The following STN1 variants were observed in gnomAD, a reference collection of about 807,000 sequenced individuals.
STN1 encodes STN1 subunit of CST complex, also known as CST complex subunit STN1.
A neutral mutation model predicts 45.5 loss-of-function variants in STN1; 29 were observed. The observed-to-expected ratio is 0.64, with a 90% confidence interval of 0.47 to 0.87. STN1 has a LOEUF of 0.87. Ranked by LOEUF, STN1 falls within the 40% of genes least tolerant of loss-of-function variation. The pLI is 0.00. For missense variants in STN1, 376 were observed against 441.4 expected, an observed-to-expected ratio of 0.85 and a Z score of 1.33; for synonymous variants, 148 against 159.0, an observed-to-expected ratio of 0.93 and a Z score of 0.52.
rs1403198466 is a variant in STN1 at position 103,878,762 on chromosome 10, A to G, written c.*3922T>C. 6.6e-6 allele frequency: 1 copy of G among 152,232 alleles called. No individual in the cohort carries two copies. Among genetic ancestry groups the G allele is most frequent in the African/African-American group, 2.4e-5 (1 of 41,442 alleles). The allele number at this position is 152,232 out of a possible 1,614,324, so 9.4% of individuals were successfully genotyped here. On this transcript the variant is annotated 3_prime_UTR_variant, in exon 10 of 10. Coordinates refer to ENST00000224950, the MANE Select transcript of STN1 (RefSeq NM_024928.5). The stretch of plus-strand genomic sequence containing the variant: ...TAATTATTCATCCAGCATTTCCCAA[A>G]TATATTTGTGAACATAGTGTTAGTT...
rs1843063388 is a variant in STN1 at position 103,880,776 on chromosome 10, CA to C, written c.*1907del. ...GTCTGGGACTGAGTCCTCAGGGAGGCAGAGCACTGAACAAAGGAACCTGAGA... is the reference window on the plus strand; with the variant it reads ...GTCTGGGACTGAGTCCTCAGGGAGGCGAGCACTGAACAAAGGAACCTGAGA... On this transcript the variant is annotated 3_prime_UTR_variant, in exon 10 of 10. Transcript: ENST00000224950. Among the ~76,000 whole-genome samples the C allele has an allele frequency of 6.6e-6, 1 of 152,136 alleles. No individual in the cohort carries two copies. The highest frequency in any genetic ancestry group is 1.5e-5 in the Non-Finnish European group (1 of 68,024).
chr10:103,889,025 T>C (rs769238810), intron 9 of STN1, 47 bp downstream of exon 9: 1 of 1,322,122 alleles, frequency 7.6e-7, no homozygotes, highest in South Asian at 1.2e-5. Context: ...GGAGACAGTA[T>C]CCCCTTCCAG....
chr10:103,898,966 A>T lies in STN1; in HGVS notation c.492T>A (p.Ile164=). The T allele has an allele frequency of 1.9e-6, 3 of 1,614,176 alleles. No homozygotes were observed. Among genetic ancestry groups the T allele is most frequent in the Non-Finnish European group, 2.5e-6 (3 of 1,180,016 alleles). The change falls in exon 6 of 10, where the codon ATT becomes ATA. Residue 164 remains isoleucine, a synonymous_variant. Coordinates refer to ENST00000224950, the MANE Select transcript of STN1 (RefSeq NM_024928.5). ...KVDDPVWNIQ[I]ARMLELPTIY... ...TAGTGGGCAGCTCAAGCATCCTTGC[A>T]ATTTGAATGTTCCACACTGGGTCGT...
At chr10:103,916,225 A>C (rs1843330634) in intron 2 of STN1, among the ~76,000 whole-genome samples, 1 of 152,244 alleles carries the variant, frequency 6.6e-6, no homozygotes, top group East Asian at 1.9e-4. Flanking sequence ...AACACATCAT[A>C]AAGTCTTTTG....
chr10:103,910,499 A>G, intron 3 of STN1, 28 bp downstream of exon 3: 1 of 1,477,646 alleles, frequency 6.8e-7, no homozygotes, highest in Non-Finnish European at 9.4e-7. Context: ...TTCTACATCA[A>G]CTTCATTTCA....
At chr10:103,915,182 G>C (rs1174856528) in intron 2 of STN1, among the ~76,000 whole-genome samples, 1 of 152,174 alleles carries the variant, frequency 6.6e-6, no homozygotes, top group Non-Finnish European at 1.5e-5. Flanking sequence ...TTATCAACTA[G>C]GGAAGCTCAT....
intron 4 of STN1, among the ~76,000 whole-genome samples, chr10:103,901,812 A>G (rs758333204): frequency 6.6e-6 from 1 of 152,226 alleles, no homozygotes; most frequent in Non-Finnish European, 1.5e-5. Flanking sequence ...TTTACAGTTC[A>G]TTACATATTG....
chr10:103,885,112 G>C (rs1408924119), intron 9 of STN1, among the ~76,000 whole-genome samples: 1 of 152,246 alleles, frequency 6.6e-6, no homozygotes, highest in Middle Eastern at 3.4e-3. Flanking sequence ...TCCTTCTCAG[G>C]GTGGCTGTGT....
intron 5 of STN1, 171 bp downstream of exon 5, chr10:103,899,891 G>C (rs1295768491): frequency 1.1e-5 from 6 of 554,792 alleles, no homozygotes; most frequent in Non-Finnish European, 1.9e-5. Flanking sequence ...CAAAATAAAA[G>C]TAAGAAATGC....
intron 8 of STN1, among the ~76,000 whole-genome samples, chr10:103,890,489 A>G (rs913994629): frequency 2.0e-5 from 3 of 152,224 alleles, no homozygotes; most frequent in African/African-American, 7.2e-5. Context: ...GGAAGTACCC[A>G]GCCCCACCAC....
At chr10:103,893,230 G>A (rs1041595137) in intron 7 of STN1, among the ~76,000 whole-genome samples, 14 of 151,662 alleles carry the variant, frequency 9.2e-5, no homozygotes, top group African/African-American at 2.2e-4. Flanking sequence ...GTGCAGTGGC[G>A]CGATCTCAGC....
intron 3 of STN1, among the ~76,000 whole-genome samples, chr10:103,906,037 C>T (rs915373364): frequency 6.6e-6 from 1 of 152,150 alleles, no homozygotes; most frequent in Non-Finnish European, 1.5e-5. Flanking sequence ...GTTGTAAAAG[C>T]ACACACAATC....
In STN1 at chr10:103,907,077, T is replaced by C. The variant is rs370285726; in HGVS notation, c.230-1921A>G. On this transcript the variant is annotated intron_variant, in intron 3 of 9. Transcript: ENST00000224950. ...CAGTGTGCTATGATTGTGCCTGTGATAGCCACTGCACTCCAGCCTGGGCAA... is the reference window on the plus strand; with the variant it reads ...CAGTGTGCTATGATTGTGCCTGTGACAGCCACTGCACTCCAGCCTGGGCAA... Among the ~76,000 whole-genome samples, 20 of 150,608 alleles carry C rather than the reference T, an allele frequency of 1.3e-4. No homozygotes were observed. In the South Asian group the frequency reaches 2.1e-3, roughly 16 times the overall value.
chr10:103,909,424 GTA>G (rs1198988740), intron 3 of STN1, among the ~76,000 whole-genome samples: 530 of 48,116 alleles, frequency 0.011, 29 homozygotes, highest in Middle Eastern at 0.036. Flanking sequence ...ATGTATATAT[GTA>G]TATATATGTA....
rs766023768 is a variant in STN1 at position 103,892,248 on chromosome 10, T to G, written c.758A>C (p.Asn253Thr). The G allele has an allele frequency of 3.1e-6, 5 of 1,595,756 alleles. No homozygotes were observed. In the East Asian group the frequency reaches 8.9e-5, roughly 28 times the overall value. The change falls in exon 8 of 10, where the codon AAT becomes ACT. Residue 253 changes from asparagine to threonine, a missense_variant. Asn to Thr is a moderately conservative substitution (Grantham distance 65). Transcript: ENST00000224950. ...VIHSASSDQV[N>T]FKKDTTSKAI... ...CTTGGAAGTGGTGTCCTTCTTAAAA[T>G]TCACCTGTAAAGAGAGGAAAAAGAA... is the stretch of plus-strand genomic sequence containing the variant.
rs1452774665 is a variant in STN1, at chr10:103,909,496, GTA to G, written c.229+1029_229+1030del. Among the ~76,000 whole-genome samples the G allele has an allele frequency of 1.4e-4, 11 of 77,162 alleles. 1 individual carries two copies. The highest frequency in any genetic ancestry group is 3.5e-4 in the African/African-American group (6 of 17,230). 50.6% of individuals were successfully genotyped at this position (77,162 alleles called of 152,430 possible). Reference sequence around the variant, plus strand: ...TATATATGTATATATATGTGTGTGTGTATATGTATATATGTATATATGTATAT... The same window carrying G: ...TATATATGTATATATATGTGTGTGTGTATGTATATATGTATATATGTATAT... On this transcript the variant is annotated intron_variant, in intron 3 of 9. Transcript: ENST00000224950.
intron 3 of STN1, among the ~76,000 whole-genome samples, chr10:103,907,972 T>C (rs1179789124): frequency 6.6e-6 from 1 of 151,814 alleles, no homozygotes; most frequent in Non-Finnish European, 1.5e-5. Flanking sequence ...CTACTAAAAA[T>C]ACAAAAATTA....
chr10:103,910,437 T>A (rs1564635394), intron 3 of STN1, 90 bp downstream of exon 3: 3 of 818,492 alleles, frequency 3.7e-6, no homozygotes, highest in Non-Finnish European at 6.2e-6. Flanking sequence ...CCCCAGCTAC[T>A]CTAAATGGCT....
At chr10:103,890,846 C>T (rs1256921671) in intron 8 of STN1, among the ~76,000 whole-genome samples, 4 of 152,220 alleles carry the variant, frequency 2.6e-5, no homozygotes, top group Non-Finnish European at 4.4e-5. Flanking sequence ...AATAGTGAGA[C>T]TTCTGGAATA....
Sources: allele counts gnomAD v4.1 joint callset (sites outside exome capture counted in the v4.1 genomes callset), GRCh38; gene constraint gnomAD v4.1.1; transcripts MANE v1.5; gene names NCBI Gene and HGNC (gene_info 2026-07-23, HGNC 2026-07-21).